Variants in TSHR observed in about 807,000 individuals in gnomAD.
TSHR encodes the protein thyroid stimulating hormone receptor.
A neutral mutation model predicts 64.1 loss-of-function variants in TSHR; 51 were observed. The ratio of observed to expected loss-of-function variants is 0.80; its 90% CI spans 0.64 to 1.01. The LOEUF is 1.01. Among genes scored for constraint, TSHR ranks in the 50% least tolerant of loss-of-function variants. The pLI, the probability that TSHR is intolerant of heterozygous loss-of-function variation, is 0.00. For synonymous variants in TSHR, 361 were observed against 361.9 expected (o/e 1.00, Z 0.03); for missense variants, 877 against 942.8 (o/e 0.93, Z 0.91).
intron 7 of TSHR, chr14:81,104,912 T>A: frequency 3.0e-6 from 3 of 985,428 alleles, no homozygotes; most frequent in Non-Finnish European, 3.6e-6. Context: ...GATGTAGCCA[T>A]GTCTATCTTA....
At chr14:81,079,033 A>C (rs1471551847) in intron 3 of TSHR, 3 of 152,206 alleles carry the variant, frequency 2.0e-5, no homozygotes, top group Non-Finnish European at 4.4e-5. Flanking sequence ...TATGTCAGTT[A>C]ACAATGGGTA....
chr14:81,008,043 AG>A (rs1024698479), intron 1 of TSHR, among the ~76,000 whole-genome samples: 3 of 152,206 alleles, frequency 2.0e-5, no homozygotes, highest in Non-Finnish European at 4.4e-5. Context: ...GTTGGAGAGT[AG>A]GGGTATGTCT....
At chr14:81,012,822 T>C (rs1889992604) in intron 1 of TSHR, 2 of 151,986 alleles carry the variant, frequency 1.3e-5, no homozygotes, top group South Asian at 4.1e-4. Context: ...TTTGAGTTCA[T>C]TGTAGATTCT....
At chr14:81,079,978 A>T (rs1282523943) in intron 3 of TSHR, among the ~76,000 whole-genome samples, 2 of 151,112 alleles carry the variant, frequency 1.3e-5, no homozygotes, top group Non-Finnish European at 2.9e-5. Flanking sequence ...TTTGAGACGG[A>T]GTCTTGCTCT....
At chr14:80,976,754 G>A (rs1887897907) in intron 1 of TSHR, among the ~76,000 whole-genome samples, 1 of 152,188 alleles carries the variant, frequency 6.6e-6, no homozygotes, top group Admixed American at 6.5e-5. Context: ...ATGCCCAAGT[G>A]GCAGTCATAG....
Position 81,087,981 on chromosome 14 carries a change from T to A in TSHR, c.345T>A (p.Thr115=). The change falls in exon 4 of 10, where the codon ACT becomes ACA. Residue 115 remains threonine, a synonymous_variant. Coordinates refer to ENST00000298171, the MANE Select transcript of TSHR (RefSeq NM_000369.5). ...AAATTCGGAATACCAGGAACTTAAC[T>A]TACATAGACCCTGATGCCCTCAAAG... ...HIEIRNTRNL[T]YIDPDALKEL... The A allele has an allele frequency of 6.2e-7, 1 of 1,613,934 alleles. No homozygotes were observed. The highest frequency in any genetic ancestry group is 8.5e-7 in the Non-Finnish European group (1 of 1,179,834).
chr14:81,081,531 T>C (rs768765242), intron 3 of TSHR, among the ~76,000 whole-genome samples: 1 of 152,170 alleles, frequency 6.6e-6, no homozygotes, highest in African/African-American at 2.4e-5. Flanking sequence ...TTTTTTACAA[T>C]AAATATGTAT....
At chr14:81,138,632 C>T (rs1028417853) in intron 8 of TSHR, among the ~76,000 whole-genome samples, 2 of 152,134 alleles carry the variant, frequency 1.3e-5, no homozygotes, top group African/African-American at 4.8e-5. Context: ...GGGGTTAATA[C>T]ATGAGCTTTA....
At chr14:81,138,395 T>G (rs943760043) in intron 8 of TSHR, among the ~76,000 whole-genome samples, 12 of 151,944 alleles carry the variant, frequency 7.9e-5, no homozygotes, top group Non-Finnish European at 1.5e-4. Context: ...TTCACTATGT[T>G]GGCCATGCTG....
chr14:81,067,927 C>CTATATATATATATATA lies in TSHR; in HGVS notation c.243-315_243-300dup, dbSNP rs10528934. ...TAGTGGAACATTCCACAGGGTGACACTATATATATATATATATATATATAT... is the reference window on the plus strand; with the variant it reads ...TAGTGGAACATTCCACAGGGTGACACTATATATATATATATATATATATATATATATATATATATAT... On this transcript the variant is annotated intron_variant, in intron 2 of 9. Coordinates refer to ENST00000298171, the MANE Select transcript of TSHR (RefSeq NM_000369.5). 6.5e-3 allele frequency among the ~76,000 whole-genome samples: 626 copies of CTATATATATATATATA among 95,694 alleles called. 46 individuals are homozygous for CTATATATATATATATA. Among genetic ancestry groups the CTATATATATATATATA allele is most frequent in the African/African-American group, 0.032 (534 of 16,816 alleles). 62.8% of individuals were successfully genotyped at this position (95,694 alleles called of 152,430 possible).
At chr14:81,076,062 G>A (rs925970458) in intron 3 of TSHR, among the ~76,000 whole-genome samples, 6 of 152,126 alleles carry the variant, frequency 3.9e-5, no homozygotes, top group Admixed American at 1.3e-4. Context: ...ACCAAACACC[G>A]CATATTCTCA....
intron 8 of TSHR, among the ~76,000 whole-genome samples, chr14:81,133,461 A>T (rs1449451270): frequency 1.3e-5 from 2 of 152,200 alleles, no homozygotes; most frequent in Non-Finnish European, 2.9e-5. Context: ...TGGTAAGAGT[A>T]AGACATGGGA....
intron 1 of TSHR, among the ~76,000 whole-genome samples, chr14:80,967,355 G>A (rs1293314401): frequency 7.0e-6 from 1 of 143,698 alleles, no homozygotes; most frequent in African/African-American, 2.6e-5. Context: ...GTGTGATCTC[G>A]ACTCTCTGCA....
At chr14:81,121,710 A>G (rs67428672) in intron 8 of TSHR, among the ~76,000 whole-genome samples, 46,540 of 151,998 alleles carry the variant, frequency 0.31, 8,035 homozygotes, top group East Asian at 0.53. Context: ...GGAAGACAGA[A>G]GCAGGCGGAT....
At chr14:80,968,210 C>A (rs1887415797) in intron 1 of TSHR, among the ~76,000 whole-genome samples, 1 of 152,100 alleles carries the variant, frequency 6.6e-6, no homozygotes, top group African/African-American at 2.4e-5. Context: ...CTGGTAGCTG[C>A]AGCAGGGCTA....
intron 1 of TSHR, among the ~76,000 whole-genome samples, chr14:80,970,038 A>G (rs1329101084): frequency 6.6e-6 from 1 of 152,218 alleles, no homozygotes; most frequent in African/African-American, 2.4e-5. Flanking sequence ...TCCCTTCACC[A>G]CTATCCTTTA....
chr14:81,134,192 A>G (rs1039220449), intron 8 of TSHR, among the ~76,000 whole-genome samples: 1 of 151,730 alleles, frequency 6.6e-6, no homozygotes, highest in African/African-American at 2.4e-5. Flanking sequence ...CTGGAGTGCA[A>G]TGGTGCAATC....
At chr14:80,966,909 G>A (rs1156490472) in intron 1 of TSHR, among the ~76,000 whole-genome samples, 1 of 152,084 alleles carries the variant, frequency 6.6e-6, no homozygotes, top group African/African-American at 2.4e-5. Context: ...AAAAAGCCAA[G>A]CTCACCTCTC....
intron 1 of TSHR, among the ~76,000 whole-genome samples, chr14:80,965,151 C>T (rs1381930085): frequency 6.6e-6 from 1 of 152,164 alleles, no homozygotes; most frequent in African/African-American, 2.4e-5. Context: ...CTTAATTGAT[C>T]ATGGGTTCAT....
Sources: allele counts gnomAD v4.1 joint callset (sites outside exome capture counted in the v4.1 genomes callset), GRCh38; gene constraint gnomAD v4.1.1; transcripts MANE v1.5; gene names NCBI Gene and HGNC (gene_info 2026-07-23, HGNC 2026-07-21).